COBL: variants seen among roughly 807,000 people sequenced by gnomAD.
The protein encoded by COBL is cordon-bleu WH2 repeat protein, also known as protein cordon-bleu.
COBL carries 51 observed loss-of-function variants against 98.8 expected under a neutral mutation model. The observed-to-expected ratio is 0.52, with a 90% CI of 0.41 to 0.65. The LOEUF (loss-of-function observed/expected upper bound fraction) is 0.65, where lower values mean the gene tolerates loss of function less well. Ranked by LOEUF, COBL falls within the 30% of genes least tolerant of loss-of-function variation. The pLI is 0.00. For missense variants in COBL, 1,617 were observed against 1,617.5 expected, an observed-to-expected ratio of 1.00 and a Z score of 0.01; for synonymous variants, 634 against 651.7, an observed-to-expected ratio of 0.97 and a Z score of 0.41.
intron 11 of COBL, 82 bp from the exon 12 acceptor site, chr7:51,025,454 T>C (rs1260657285): frequency 6.9e-7 from 1 of 1,441,088 alleles, no homozygotes; most frequent in Admixed American, 1.8e-5. Flanking sequence ...CCCAAGGTAG[T>C]GGCATGAGGA....
intron 1 of COBL, among the ~76,000 whole-genome samples, chr7:51,261,665 T>A (rs1797730094): frequency 6.6e-6 from 1 of 152,092 alleles, no homozygotes; most frequent in African/African-American, 2.4e-5. Context: ...CTGGAGGTGT[T>A]GAAAGAAGGC....
intron 1 of COBL, among the ~76,000 whole-genome samples, chr7:51,221,012 A>C (rs1295737929): frequency 6.6e-6 from 1 of 152,178 alleles, no homozygotes; most frequent in Non-Finnish European, 1.5e-5. Context: ...TAGCAGGTCG[A>C]GTACTTACTC....
intron 7 of COBL, among the ~76,000 whole-genome samples, chr7:51,060,021 C>G (rs1407862713): frequency 2.0e-5 from 3 of 152,096 alleles, no homozygotes; most frequent in African/African-American, 7.2e-5. Flanking sequence ...ATCATGGGTC[C>G]TGCCGTAAGC....
intron 7 of COBL, among the ~76,000 whole-genome samples, chr7:51,058,620 C>A (rs191859063): frequency 6.6e-5 from 10 of 152,154 alleles, no homozygotes; most frequent in East Asian, 1.9e-4. Flanking sequence ...TGACACTGTG[C>A]GGATTCAACT....
At chr7:51,031,043 G>A in intron 8 of COBL, 134 bp from the exon 9 acceptor site, 1 of 671,848 alleles carries the variant, frequency 1.5e-6, no homozygotes, top group East Asian at 2.7e-5. Flanking sequence ...TACTGCTGTT[G>A]TCCTCAGAAC....
intron 4 of COBL, chr7:51,187,998 G>C (rs1789711693): frequency 8.1e-7 from 1 of 1,230,740 alleles, no homozygotes; most frequent in African/African-American, 1.6e-5. Context: ...GTCCAGCTTT[G>C]AGATGTGTGG....
chr7:51,192,960 C>T (rs1370510335), intron 3 of COBL, among the ~76,000 whole-genome samples: 1 of 152,052 alleles, frequency 6.6e-6, no homozygotes, highest in Non-Finnish European at 1.5e-5. Flanking sequence ...TGTTCAAAAG[C>T]TGTGTCAATT....
At chr7:51,295,137 T>C (rs1234155514) in intron 1 of COBL, among the ~76,000 whole-genome samples, 1 of 151,508 alleles carries the variant, frequency 6.6e-6, no homozygotes, top group Non-Finnish European at 1.5e-5. Context: ...AATACAAAAA[T>C]TAGCCAGGCA....
chr7:51,277,979 ATCTCT>A (rs1309279168), intron 1 of COBL, among the ~76,000 whole-genome samples: 1 of 152,148 alleles, frequency 6.6e-6, no homozygotes, highest in Admixed American at 6.5e-5. Context: ...TTATTTACTG[ATCTCT>A]TCTCTGTGCC....
intron 7 of COBL, among the ~76,000 whole-genome samples, chr7:51,057,517 T>C (rs1217435035): frequency 6.6e-6 from 1 of 152,084 alleles, no homozygotes; most frequent in African/African-American, 2.4e-5. Context: ...TCCCCTCCCG[T>C]AGTCCAGCCT....
At chr7:51,148,640 C>G (rs953806893) in intron 5 of COBL, among the ~76,000 whole-genome samples, 1 of 152,192 alleles carries the variant, frequency 6.6e-6, no homozygotes, top group Non-Finnish European at 1.5e-5. Flanking sequence ...TTCCTTAGCT[C>G]CCTTTCCTGG....
intron 1 of COBL, among the ~76,000 whole-genome samples, chr7:51,246,660 T>C (rs752010014): frequency 2.0e-5 from 3 of 152,204 alleles, no homozygotes; most frequent in African/African-American, 4.8e-5. Context: ...GAAACGCTGA[T>C]TAATGAAGCA....
chr7:51,289,022 T>C (rs1342318021), intron 1 of COBL, among the ~76,000 whole-genome samples: 3 of 152,124 alleles, frequency 2.0e-5, no homozygotes, highest in South Asian at 2.1e-4. Context: ...TTGTGCATAA[T>C]GATAGCACAG....
chr7:51,026,497 G>A (rs1187138903), intron 11 of COBL, 49 bp downstream of exon 11: 2 of 1,601,342 alleles, frequency 1.2e-6, no homozygotes, highest in African/African-American at 2.7e-5. Context: ...GGAAGAAGGG[G>A]TGGGTGGGTT....
chr7:51,109,427 C>T (rs558137797), intron 6 of COBL, among the ~76,000 whole-genome samples: 5 of 152,298 alleles, frequency 3.3e-5, no homozygotes, highest in South Asian at 4.1e-4. Context: ...GATTCTTTGC[C>T]ACTTCCATCT....
chr7:51,281,920 C>T (rs1301653832), intron 1 of COBL, among the ~76,000 whole-genome samples: 1 of 152,030 alleles, frequency 6.6e-6, no homozygotes, highest in African/African-American at 2.4e-5. Flanking sequence ...TAACACATAA[C>T]CATGAAGGAT....
At chr7:51,236,380 C>T (rs1487579053) in intron 1 of COBL, among the ~76,000 whole-genome samples, 3 of 152,106 alleles carry the variant, frequency 2.0e-5, no homozygotes, top group Non-Finnish European at 4.4e-5. Flanking sequence ...GCATGAAGGC[C>T]TCACAGAGGA....
At chr7:51,051,754 A>C (rs181057753) in intron 7 of COBL, among the ~76,000 whole-genome samples, 4 of 152,354 alleles carry the variant, frequency 2.6e-5, no homozygotes, top group South Asian at 2.1e-4. Flanking sequence ...GAAGTTCCAC[A>C]GGGACAGAGA....
intron 6 of COBL, among the ~76,000 whole-genome samples, chr7:51,115,269 G>A (rs1197802535): frequency 1.3e-5 from 2 of 151,968 alleles, no homozygotes; most frequent in Non-Finnish European, 2.9e-5. Flanking sequence ...TACTGCTTTC[G>A]ATTTCACTGA....
Sources: gnomAD v4.1 joint callset for allele counts (sites outside exome capture counted in the v4.1 genomes callset) on GRCh38, gnomAD v4.1.1 for gene constraint, MANE v1.5 for transcripts, NCBI Gene and HGNC (gene_info 2026-07-23, HGNC 2026-07-21) for gene names.